The following UNC13C variants were observed in gnomAD, a reference collection of about 807,000 sequenced individuals.
UNC13C encodes the protein protein unc-13 homolog C.
In UNC13C, 174 loss-of-function variants were observed where a neutral mutation model predicts 245.4. The observed-to-expected ratio is 0.71, with a 90% CI of 0.63 to 0.80. The LOEUF (loss-of-function observed/expected upper bound fraction) is 0.80, where lower values mean the gene tolerates loss of function less well. Among genes scored for constraint, UNC13C ranks in the 30% least tolerant of loss-of-function variants. UNC13C has a pLI of 0.00. For missense variants in UNC13C, 2,829 were observed against 2,602.9 expected, an observed-to-expected ratio of 1.09 and a Z score of -1.89; for synonymous variants, 992 against 895.1, an observed-to-expected ratio of 1.11 and a Z score of -1.93.
the UNC13C span, among the ~76,000 whole-genome samples, chr15:53,843,463 A>G: frequency 6.6e-6 from 1 of 152,016 alleles, no homozygotes; most frequent in Non-Finnish European, 1.5e-5. Context: ...TCTTATCTCA[A>G]ATATATATAT....
intron 4 of UNC13C, among the ~76,000 whole-genome samples, chr15:54,155,055 C>G (rs1178722162): frequency 1.3e-5 from 2 of 152,126 alleles, no homozygotes; most frequent in East Asian, 3.9e-4. Context: ...ATGTCCTATC[C>G]TTATATTCTA....
intron 10 of UNC13C, among the ~76,000 whole-genome samples, chr15:54,292,247 C>T (rs2037316451): frequency 6.6e-6 from 1 of 151,920 alleles, no homozygotes; most frequent in Admixed American, 6.6e-5. Context: ...AAAAGAATTA[C>T]ATCCTGAGCT....
At chr15:54,549,011 A>C (rs1237668610) in intron 27 of UNC13C, among the ~76,000 whole-genome samples, 1 of 152,204 alleles carries the variant, frequency 6.6e-6, no homozygotes, top group African/African-American at 2.4e-5. Flanking sequence ...CCTTCCTGTG[A>C]CAATATTTCA....
chr15:53,983,713 C>G (rs1894015825), intron 1 of UNC13C, among the ~76,000 whole-genome samples: 1 of 151,824 alleles, frequency 6.6e-6, no homozygotes, highest in Admixed American at 6.6e-5. Context: ...TACTCTCTTT[C>G]TACTTTTTGT....
chr15:54,278,051 C>A (rs2036880103), intron 10 of UNC13C, among the ~76,000 whole-genome samples: 1 of 152,184 alleles, frequency 6.6e-6, no homozygotes, highest in Non-Finnish European at 1.5e-5. Flanking sequence ...GCATGCAACT[C>A]AAAAATAACT....
rs567646460 is a variant in UNC13C, at chr15:54,402,379, G to T, written c.4847+9198G>T. 2.0e-5 allele frequency among the ~76,000 whole-genome samples: 3 copies of T among 152,068 alleles called. No homozygotes were observed. In the South Asian group the frequency reaches 6.2e-4, roughly 32 times the overall value. ...TCAAATACTTTTCTAAGTGCATAAG[G>T]GTACTGCCAAAGAATGCTTACCAAT... is the stretch of plus-strand genomic sequence containing the variant. On this transcript the variant is annotated intron_variant, in intron 18 of 32. Transcript: ENST00000260323.
At chr15:54,297,666 C>T in intron 11 of UNC13C, 145 bp from the exon 12 acceptor site, 2 of 672,130 alleles carry the variant, frequency 3.0e-6, no homozygotes. Flanking sequence ...ATCATGGTTA[C>T]TTAATAAGCA....
At chr15:54,545,442 A>T (rs1014863392) in intron 26 of UNC13C, among the ~76,000 whole-genome samples, 3 of 152,214 alleles carry the variant, frequency 2.0e-5, no homozygotes, top group African/African-American at 7.2e-5. Context: ...GCCGAAACTG[A>T]CAAATGGGAT....
chr15:54,445,218 T>A (rs1344014957), intron 19 of UNC13C, among the ~76,000 whole-genome samples: 1 of 152,124 alleles, frequency 6.6e-6, no homozygotes, highest in Non-Finnish European at 1.5e-5. Context: ...TCTGCCATTT[T>A]CAGACATTTG....
intron 19 of UNC13C, among the ~76,000 whole-genome samples, chr15:54,421,713 C>A (rs1404138818): frequency 1.3e-5 from 2 of 152,058 alleles, no homozygotes; most frequent in Non-Finnish European, 2.9e-5. Context: ...TCTCATTGTT[C>A]TTGGCTCATC....
intron 4 of UNC13C, among the ~76,000 whole-genome samples, chr15:54,197,529 C>T (rs1051773422): frequency 1.3e-5 from 2 of 151,800 alleles, no homozygotes; most frequent in African/African-American, 4.8e-5. Context: ...ATATACAAAA[C>T]TCAATTGCAT....
At chr15:53,899,511 T>C in the UNC13C span, among the ~76,000 whole-genome samples, 2 of 152,224 alleles carry the variant, frequency 1.3e-5, no homozygotes, top group Non-Finnish European at 2.9e-5. Flanking sequence ...AGACCAATTT[T>C]CTTAACTCAC....
At chr15:54,220,117 A>C (rs2140779246) in intron 4 of UNC13C, among the ~76,000 whole-genome samples, 1 of 150,472 alleles carries the variant, frequency 6.6e-6, no homozygotes, top group East Asian at 1.9e-4. Flanking sequence ...AAGGACTATA[A>C]ATCATGCTGC....
chr15:53,914,674 T>C, the UNC13C span: 1 of 152,214 alleles, frequency 6.6e-6, no homozygotes, highest in Non-Finnish European at 1.5e-5. Context: ...AGAAAGCTGT[T>C]GATGAGAAGT....
intron 19 of UNC13C, among the ~76,000 whole-genome samples, chr15:54,427,838 T>A (rs1407862606): frequency 1.3e-5 from 2 of 151,746 alleles, no homozygotes; most frequent in East Asian, 3.9e-4. Flanking sequence ...GATTATAATG[T>A]TGTAAGTCCC....
At chr15:53,899,161 C>T in the UNC13C span, among the ~76,000 whole-genome samples, 1 of 152,156 alleles carries the variant, frequency 6.6e-6, no homozygotes, top group African/African-American at 2.4e-5. Context: ...TATCCTGTTA[C>T]ACTATTGCAC....
At chr15:54,360,456 A>C (rs1475030981) in intron 17 of UNC13C, among the ~76,000 whole-genome samples, 1 of 152,088 alleles carries the variant, frequency 6.6e-6, no homozygotes, top group African/African-American at 2.4e-5. Context: ...CTATTAATAT[A>C]GTATTTATAT....
rs373950690 is a variant in UNC13C at position 54,322,903 on chromosome 15, G to T, written c.4425+808G>T. Among the ~76,000 whole-genome samples, 16 of 152,078 alleles carry T rather than the reference G, an allele frequency of 1.1e-4. No individual in the cohort carries two copies. In the East Asian group the frequency reaches 2.7e-3, roughly 26 times the overall value. ...TTGGTATGTTTGGGGACATGGACAG[G>T]GAGGGAAGGAGAAGATGCCTGGAAA... On this transcript the variant is annotated intron_variant, in intron 14 of 32. Transcript: ENST00000260323.
At chr15:54,604,005 C>T (rs563495551) in intron 30 of UNC13C, among the ~76,000 whole-genome samples, 63 of 152,256 alleles carry the variant, frequency 4.1e-4, no homozygotes, top group South Asian at 1.7e-3. Flanking sequence ...TATTCAGAGC[C>T]TGTGATATCC....
Sources: gnomAD v4.1 joint callset for allele counts (sites outside exome capture counted in the v4.1 genomes callset) on GRCh38, gnomAD v4.1.1 for gene constraint, MANE v1.5 for transcripts, NCBI Gene and HGNC (gene_info 2026-07-23, HGNC 2026-07-21) for gene names.